The following MYH14 variants were observed in gnomAD, a reference collection of about 807,000 sequenced individuals.
MYH14 encodes the protein myosin-14.
MYH14 carries 123 observed loss-of-function variants against 255.5 expected under a neutral mutation model. The observed-to-expected ratio is 0.48, with a 90% CI of 0.42 to 0.56. The LOEUF is 0.56. MYH14 is among the 20% of genes least tolerant of loss of function. The probability of loss-of-function intolerance (pLI) is 0.00; values close to 1 mark genes in which losing one functional copy is unlikely to be tolerated. For missense variants in MYH14, 2,423 were observed against 2,802.3 expected, an observed-to-expected ratio of 0.86 and a Z score of 3.06; for synonymous variants, 1,095 against 1,161.2, an observed-to-expected ratio of 0.94 and a Z score of 1.16.
chr19:50,238,313 G>A (rs584975), intron 10 of MYH14, among the ~76,000 whole-genome samples: 19,778 of 152,240 alleles, frequency 0.13, 1,426 homozygotes, highest in South Asian at 0.19. Flanking sequence ...ACTGCAAGAG[G>A]CCATTTTAAA....
intron 8 of MYH14, 132 bp downstream of exon 8, chr19:50,227,098 ATCTGCATGGGGAGGGGAGGGTGGG>A: frequency 2.2e-6 from 1 of 456,632 alleles, no homozygotes; most frequent in Non-Finnish European, 4.4e-6. Context: ...CTCAGGCGGC[ATCTGCATGGGGAGGGGAGGGTGGG>A]ACTTCTGGTG....
At chr19:50,238,177 G>C in intron 10 of MYH14, among the ~76,000 whole-genome samples, 1 of 152,218 alleles carries the variant, frequency 6.6e-6, no homozygotes, top group East Asian at 1.9e-4. Context: ...CCTCTCACAT[G>C]AGGCATCCGC....
At chr19:50,304,446 C>T (rs538804030) in intron 40 of MYH14, among the ~76,000 whole-genome samples, 4 of 152,138 alleles carry the variant, frequency 2.6e-5, no homozygotes, top group Admixed American at 6.5e-5. Context: ...AAAAATTAGC[C>T]GGGAGTAGTA....
rs1160039386 is a variant in MYH14 at position 50,280,674 on chromosome 19, C to G, written c.4290+291C>G. The stretch of plus-strand genomic sequence containing the variant: ...TGGCCTCTGGGCCTCCAGCCTCTCC[C>G]CTAACAGCTCATCCCCTGCACAGCC... On this transcript the variant is annotated intron_variant, in intron 32 of 42. Coordinates refer to ENST00000642316, the MANE Select transcript of MYH14 (RefSeq NM_001145809.2). The surrounding 1 kb of genome is among the most constrained non-coding windows in gnomAD (Gnocchi z 4.8). 3.9e-5 allele frequency among the ~76,000 whole-genome samples: 6 copies of G among 152,080 alleles called. No homozygotes were observed. Among genetic ancestry groups the G allele is most frequent in the Non-Finnish European group, 7.3e-5 (5 of 68,030 alleles).
intron 34 of MYH14, among the ~76,000 whole-genome samples, chr19:50,287,350 A>T (rs2035925752): frequency 6.6e-6 from 1 of 152,262 alleles, no homozygotes; most frequent in African/African-American, 2.4e-5. Context: ...CAAAGCACAC[A>T]TGCTCACATT....
At position 50,291,026 on chromosome 19, in the gene MYH14, T is replaced by C. The variant is rs775130663; in HGVS notation, c.5105T>C (p.Val1702Ala). 40 of 1,612,780 alleles carry C rather than the reference T, an allele frequency of 2.5e-5. No homozygotes were observed. The highest frequency in any genetic ancestry group is 3.1e-5 in the Non-Finnish European group (36 of 1,179,648). Reference protein sequence around the residue: ...ASAGQGKEEAVKQLRKMQAQM... With the variant: ...ASAGQGKEEAAKQLRKMQAQM... ...GCCGGCCAGGGCAAGGAGGAGGCGG[T>C]GAAGCAGCTTCGCAAGATGCAGGTA... Residue 1702 changes from valine to alanine, a missense_variant, in exon 36 of 43, where the codon GTG becomes GCG. Transcript: ENST00000642316.
At chr19:50,287,654 C>T (rs1474056812) in intron 34 of MYH14, among the ~76,000 whole-genome samples, 1 of 152,136 alleles carries the variant, frequency 6.6e-6, no homozygotes, top group African/African-American at 2.4e-5. Flanking sequence ...CTCAAACAAT[C>T]CTCCCACTTC....
rs776059214 is a variant in MYH14, at chr19:50,217,628, T to C, written c.419T>C (p.Leu140Pro). Residue 140 changes from leucine (L) to proline (P), a missense_variant, in exon 3 of 43, where the codon CTT becomes CCT. Around this residue, in one of 3 missense-constraint regions of MYH14, gnomAD observed 238 missense variants for 245.8 expected, o/e 0.97. Transcript: ENST00000642316. ...CACCCACTGCAGACGTACTCCGGCC[T>C]TTTCTGTGTGGTCATCAACCCGTAC... ...YSGLIYTYSG[L>P]FCVVINPYKQ... 1 of 1,613,984 alleles carries C rather than the reference T, an allele frequency of 6.2e-7. No individual in the cohort carries two copies. The highest frequency in any genetic ancestry group is 2.2e-5 in the East Asian group (1 of 44,878).
At chr19:50,286,056 C>A (rs2035878452) in intron 33 of MYH14, 1 of 156,018 alleles carries the variant, frequency 6.4e-6, no homozygotes, top group African/African-American at 2.4e-5. Context: ...ATATGTAGGT[C>A]ATCTGTGGGT....
intron 7 of MYH14, 30 bp from the exon 8 acceptor site, chr19:50,226,873 C>G: frequency 6.2e-7 from 1 of 1,612,204 alleles, no homozygotes; most frequent in Non-Finnish European, 8.5e-7. Context: ...GGACCCTCTG[C>G]TGAAGCCCAC....
At chr19:50,278,679 G>A (rs2035600455) in intron 30 of MYH14, among the ~76,000 whole-genome samples, 1 of 152,002 alleles carries the variant, frequency 6.6e-6, no homozygotes, top group Non-Finnish European at 1.5e-5. Flanking sequence ...ACTCTAGCCT[G>A]GGCAACAAAG....
Position 50,221,124 on chromosome 19 carries a change from G to A in MYH14, c.563-1959G>A, listed in dbSNP as rs11665804. On this transcript the variant is annotated intron_variant, in intron 3 of 42. Transcript: ENST00000642316. This position sits in a 1 kb window ranked among gnomAD's most constrained non-coding sequence, Gnocchi z 5.3. The stretch of plus-strand genomic sequence containing the variant: ...TTCGAACCCAGGGCCCCTGACCACC[G>A]CCTCCCTGTATGTCACACTGTGTGT... Among the ~76,000 whole-genome samples the A allele has an allele frequency of 0.51, 77,257 of 151,826 alleles. 22,157 individuals carry two copies. The highest frequency in any genetic ancestry group is 0.64 in the Non-Finnish European group (43,438 of 67,922).
Position 50,250,519 on chromosome 19 carries a change from A to AC in MYH14, c.1667dup (p.Gly557TrpfsTer8). On this transcript the variant is annotated frameshift_variant, in exon 15 of 43. Transcript: ENST00000642316. LOFTEE classifies it high-confidence loss of function. The surrounding 1 kb of genome is among the most constrained non-coding windows in gnomAD (Gnocchi z 5.4). ...CCCCCTGCTGTCAATGGCCAGGCCA[A>AC]CCCCCCTGGACTCCTGGCCCTGCTG... 1.2e-6 allele frequency: 2 copies of AC among 1,612,476 alleles called. No homozygotes were observed. Among genetic ancestry groups the AC allele is most frequent in the Non-Finnish European group, 1.7e-6 (2 of 1,179,360 alleles).
At position 50,302,542 on chromosome 19, in the gene MYH14, C is replaced by T. The variant is rs113957104; in HGVS notation, c.5678+673C>T. The stretch of plus-strand genomic sequence containing the variant: ...AGGTTGCAGTGAGCCGAGATTGCGC[C>T]ACTGCCCTCCAGCCTGGGTGACAGA... On this transcript the variant is annotated intron_variant, in intron 40 of 42. Coordinates refer to ENST00000642316, the MANE Select transcript of MYH14 (RefSeq NM_001145809.2). 3.6e-3 allele frequency among the ~76,000 whole-genome samples: 549 copies of T among 150,844 alleles called. 2 individuals are homozygous for T. Among genetic ancestry groups the T allele is most frequent in the African/African-American group, 0.013 (531 of 40,996 alleles).
chr19:50,230,013 C>A lies in MYH14; in HGVS notation c.875-512C>A. ...CACTGCAACCTCCTCCTCCCGGGTTCAAGCGATTCTCCTGCCTCAGCCTCC... is the reference window on the plus strand; with the variant it reads ...CACTGCAACCTCCTCCTCCCGGGTTAAAGCGATTCTCCTGCCTCAGCCTCC... On this transcript the variant is annotated intron_variant, in intron 8 of 42. Coordinates refer to ENST00000642316, the MANE Select transcript of MYH14 (RefSeq NM_001145809.2). The surrounding 1 kb of genome is among the most constrained non-coding windows in gnomAD (Gnocchi z 4.7). Among the ~76,000 whole-genome samples the A allele has an allele frequency of 6.6e-6, 1 of 152,156 alleles. No homozygotes were observed. The highest frequency in any genetic ancestry group is 1.9e-4 in the East Asian group (1 of 5,196).
chr19:50,260,666 A>C lies in MYH14; in HGVS notation c.2375A>C (p.Asn792Thr). ...TGCAGATACGAGATCCTGACACCCA[A>C]TGCCATCCCCAAGGGCTTCATGGAT... is the stretch of plus-strand genomic sequence containing the variant. ...FRQRYEILTPNAIPKGFMDGK... is the reference protein window; with the variant it reads ...FRQRYEILTPTAIPKGFMDGK... The change falls in exon 20 of 43, where the codon AAT becomes ACT. Residue 792 changes from asparagine to threonine, a missense_variant. By Grantham distance (65) the Asn-to-Thr change is moderately conservative. This residue lies in a region of MYH14 where 672 missense variants were observed against 881.8 expected (regional missense o/e 0.76). Coordinates refer to ENST00000642316, the MANE Select transcript of MYH14 (RefSeq NM_001145809.2). 1 of 1,613,090 alleles carries C rather than the reference A, an allele frequency of 6.2e-7. No individual in the cohort carries two copies. The highest frequency in any genetic ancestry group is 8.5e-7 in the Non-Finnish European group (1 of 1,179,550).
In MYH14 at chr19:50,271,401, C is replaced by A; in HGVS notation, c.3034-8C>A. ...AGTATCCTCACTCCTCCTGCCTTCC[C>A]ACCCCAGGAGCTAGAGGCCCACCTT... is the stretch of plus-strand genomic sequence containing the variant. On this transcript the variant is annotated splice_region_variant and splice_polypyrimidine_tract_variant and intron_variant, in intron 24 of 42. Coordinates refer to ENST00000642316, the MANE Select transcript of MYH14 (RefSeq NM_001145809.2). The A allele has an allele frequency of 6.3e-7, 1 of 1,597,524 alleles. No individual in the cohort carries two copies. Among genetic ancestry groups the A allele is most frequent in the East Asian group, 2.3e-5 (1 of 44,192 alleles).
chr19:50,251,573 T>C lies in MYH14; in HGVS notation c.1830+885T>C, dbSNP rs548744488. On this transcript the variant is annotated intron_variant, in intron 15 of 42. Coordinates refer to ENST00000642316, the MANE Select transcript of MYH14 (RefSeq NM_001145809.2). ...ACACACACACACACACACACACATA[T>C]ATATATGTATTTTTTTTTATTTGAG... 2.4e-3 allele frequency among the ~76,000 whole-genome samples: 363 copies of C among 150,570 alleles called. 1 individual carries two copies. The highest frequency in any genetic ancestry group is 3.4e-3 in the Non-Finnish European group (228 of 67,644).
At chr19:50,239,344 A>G (rs1223819854) in intron 10 of MYH14, among the ~76,000 whole-genome samples, 1 of 151,832 alleles carries the variant, frequency 6.6e-6, no homozygotes, top group Non-Finnish European at 1.5e-5. Context: ...TTTCCTGGTC[A>G]TCCATCTCTT....
Sources: gnomAD v4.1 joint callset for allele counts (sites outside exome capture counted in the v4.1 genomes callset) on GRCh38, gnomAD v4.1.1 for gene constraint, gnomAD v4.1.1 regional missense constraint, Gnocchi (gnomAD v3.1) non-coding constraint, MANE v1.5 for transcripts, NCBI Gene and HGNC (gene_info 2026-07-23, HGNC 2026-07-21) for gene names.